Variants in HRH4 observed in about 807,000 individuals in gnomAD.
HRH4 encodes the protein histamine H4 receptor.
A neutral mutation model predicts 10.4 loss-of-function variants in HRH4; 12 were observed. The ratio of observed to expected loss-of-function variants is 1.15; its 90% CI spans 0.74 to 1.87. The LOEUF (loss-of-function observed/expected upper bound fraction) is 1.87, where lower values mean the gene tolerates loss of function less well. HRH4 is among the 40% of genes most tolerant of loss of function. HRH4 has a pLI of 0.00. For synonymous variants in HRH4, 154 were observed against 166.6 expected (o/e 0.92, Z 0.58); for missense variants, 415 against 453.3 (o/e 0.92, Z 0.77).
In HRH4 at chr18:24,477,313, C is replaced by T; in HGVS notation, c.924C>T (p.Leu308=). Residue 308 remains leucine, a synonymous_variant, in exon 3 of 3, where the codon CTC becomes CTT. Coordinates refer to ENST00000256906, the MANE Select transcript of HRH4 (RefSeq NM_021624.4). ...ARRLAKSLAI[L]LGVFAVCWAP... is the part of the protein sequence containing the mutation. ...GATTAGCCAAGTCACTGGCCATTCT[C>T]TTAGGGGTTTTTGCTGTTTGCTGGG... is the stretch of plus-strand genomic sequence containing the variant. 2 of 1,614,190 alleles carry T rather than the reference C, an allele frequency of 1.2e-6. No homozygotes were observed. Among genetic ancestry groups the T allele is most frequent in the South Asian group, 1.1e-5 (1 of 91,082 alleles).
At chr18:24,475,612 C>T (rs563361793) in intron 2 of HRH4, among the ~76,000 whole-genome samples, 1 of 152,234 alleles carries the variant, frequency 6.6e-6, no homozygotes, top group East Asian at 1.9e-4. Flanking sequence ...GGCAACAGAA[C>T]GAGACCCTGT....
intron 1 of HRH4, among the ~76,000 whole-genome samples, chr18:24,461,853 C>G (rs933775895): frequency 6.6e-6 from 1 of 150,786 alleles, no homozygotes; most frequent in African/African-American, 2.4e-5. Flanking sequence ...CTGTATAATA[C>G]TGCTAGGTAT....
At chr18:24,465,332 G>T (rs1371627717) in intron 1 of HRH4, among the ~76,000 whole-genome samples, 1 of 151,894 alleles carries the variant, frequency 6.6e-6, no homozygotes, top group African/African-American at 2.4e-5. Flanking sequence ...TGAGCAAACA[G>T]AAGGCGCCCT....
chr18:24,464,364 T>C (rs1227052454), intron 1 of HRH4, among the ~76,000 whole-genome samples: 1 of 152,184 alleles, frequency 6.6e-6, no homozygotes, highest in African/African-American at 2.4e-5. Context: ...TCTCCTCTTA[T>C]AAGCACACTA....
intron 2 of HRH4, among the ~76,000 whole-genome samples, chr18:24,470,990 T>C (rs951956100): frequency 1.1e-4 from 16 of 150,938 alleles, no homozygotes; most frequent in African/African-American, 3.7e-4. Flanking sequence ...ATTTTATTGG[T>C]GAAACTTAGT....
chr18:24,473,439 A>T (rs1910036112), intron 2 of HRH4, among the ~76,000 whole-genome samples: 2 of 152,146 alleles, frequency 1.3e-5, no homozygotes, highest in South Asian at 4.1e-4. Flanking sequence ...GCTCCAGGAC[A>T]CCTTGTTCTG....
chr18:24,462,556 T>C (rs1001695235), intron 1 of HRH4, among the ~76,000 whole-genome samples: 43 of 152,126 alleles, frequency 2.8e-4, no homozygotes, highest in African/African-American at 9.9e-4. Flanking sequence ...AAGAGAAAGC[T>C]GAGTTAAAGA....
At chr18:24,469,298 C>G (rs1407951782) in intron 2 of HRH4, among the ~76,000 whole-genome samples, 1 of 152,074 alleles carries the variant, frequency 6.6e-6, no homozygotes, top group African/African-American at 2.4e-5. Flanking sequence ...TGAATATATT[C>G]CTCGGAATGG....
rs1318511906 is a variant in HRH4 at position 24,478,333 on chromosome 18, T to C, written c.*771T>C. The C allele has an allele frequency of 6.6e-6, 1 of 152,220 alleles. No homozygotes were observed. The highest frequency in any genetic ancestry group is 1.9e-4 in the East Asian group (1 of 5,202). The allele number at this position is 152,220 out of a possible 1,614,324, so 9.4% of individuals were successfully genotyped here. A position where few individuals can be genotyped will look rare whatever the true frequency, so the allele number is the denominator to read the frequency against. On this transcript the variant is annotated 3_prime_UTR_variant, in exon 3 of 3. Coordinates refer to ENST00000256906, the MANE Select transcript of HRH4 (RefSeq NM_021624.4). ...GCTAAGAGATGGTGAAGAGACTGCA[T>C]GATTAAACTAGATAGACCTGGTATA...
intron 2 of HRH4, among the ~76,000 whole-genome samples, chr18:24,473,758 G>C (rs996444715): frequency 6.6e-6 from 1 of 152,208 alleles, no homozygotes; most frequent in Non-Finnish European, 1.5e-5. Context: ...CAGGCACTTA[G>C]AATGGTCCTG....
In HRH4 at chr18:24,468,842, G is replaced by A. The variant is rs373246547; in HGVS notation, c.248G>A (p.Gly83Glu). ...CACACGCTGTTCGAATGGGATTTTG[G>A]AAAGGAAATCTGTGTATTTTGGCTC... The part of the protein sequence containing the change: ...IPHTLFEWDF[G>E]KEICVFWLTT... The change falls in exon 2 of 3, where the codon GGA becomes GAA. Residue 83 changes from glycine (G) to glutamate (E), a missense_variant. By Grantham distance (98) the Gly-to-Glu change is moderately conservative. Coordinates refer to ENST00000256906, the MANE Select transcript of HRH4 (RefSeq NM_021624.4). The A allele has an allele frequency of 5.6e-6, 9 of 1,614,044 alleles. No individual in the cohort carries two copies. The highest frequency in any genetic ancestry group is 7.6e-6 in the Non-Finnish European group (9 of 1,179,970).
chr18:24,476,633 G>A, intron 2 of HRH4, 114 bp from the exon 3 acceptor site: 1 of 762,662 alleles, frequency 1.3e-6, no homozygotes, highest in Non-Finnish European at 2.2e-6. Flanking sequence ...TGATACCCAG[G>A]TTAGTTAATG....
rs1020059590 is a variant in HRH4 at position 24,479,166 on chromosome 18, G to A, written c.*1604G>A. The A allele has an allele frequency of 6.6e-6, 1 of 151,620 alleles. No individual in the cohort carries two copies. The highest frequency in any genetic ancestry group is 6.6e-5 in the Admixed American group (1 of 15,226). 9.4% of individuals were successfully genotyped at this position (151,620 alleles called of 1,614,324 possible). On this transcript the variant is annotated 3_prime_UTR_variant, in exon 3 of 3. Transcript: ENST00000256906. ...TTTTTTTTAATTTTGATAAGACAGG[G>A]TATTGCCGTGTTGGCCAGACTGGTC...
chr18:24,471,245 A>T (rs911383428), intron 2 of HRH4, among the ~76,000 whole-genome samples: 2 of 151,996 alleles, frequency 1.3e-5, no homozygotes, highest in Non-Finnish European at 2.9e-5. Flanking sequence ...TTGACCCATT[A>T]TTGATTTATG....
intron 1 of HRH4, among the ~76,000 whole-genome samples, chr18:24,467,148 T>G (rs1909799032): frequency 6.6e-6 from 1 of 152,194 alleles, no homozygotes. Context: ...CATGGTCCCT[T>G]CCTCACAAAG....
At chr18:24,462,821 T>G (rs1909677733) in intron 1 of HRH4, among the ~76,000 whole-genome samples, 1 of 152,246 alleles carries the variant, frequency 6.6e-6, no homozygotes, top group Non-Finnish European at 1.5e-5. Context: ...TGCTGCTTGA[T>G]GTAGATCCTT....
In HRH4 at chr18:24,477,450, A is replaced by G; in HGVS notation, c.1061A>G (p.Asn354Ser). 23 of 1,614,118 alleles carry G rather than the reference A, an allele frequency of 1.4e-5. No homozygotes were observed. Among genetic ancestry groups the G allele is most frequent in the Non-Finnish European group, 1.9e-5 (22 of 1,179,984 alleles). Reference sequence around the variant, plus strand: ...CTTCAGTGGTTCAATTCCTTTGTCAATCCTCTTTTGTATCCATTGTGTCAC... The same window carrying G: ...CTTCAGTGGTTCAATTCCTTTGTCAGTCCTCTTTTGTATCCATTGTGTCAC... The part of the protein sequence containing the change: ...FWLQWFNSFV[N>S]PLLYPLCHKR... The change falls in exon 3 of 3, where the codon AAT becomes AGT. Residue 354 changes from asparagine (N) to serine (S), a missense_variant. Transcript: ENST00000256906.
chr18:24,461,602 A>G (rs1909639913), intron 1 of HRH4, among the ~76,000 whole-genome samples: 1 of 152,146 alleles, frequency 6.6e-6, no homozygotes, highest in African/African-American at 2.4e-5. Context: ...TCAGCTGATG[A>G]TACTATTTTA....
In HRH4 at chr18:24,475,686, A is replaced by G. The variant is rs114346107; in HGVS notation, c.358-1061A>G. Among the ~76,000 whole-genome samples, 970 of 152,292 alleles carry G rather than the reference A, an allele frequency of 6.4e-3. 16 individuals carry two copies. The highest frequency in any genetic ancestry group is 0.023 in the African/African-American group (945 of 41,558). On this transcript the variant is annotated intron_variant, in intron 2 of 2. Transcript: ENST00000256906. ...AGTGACTTGGTAATGCTTAATAGCAATGTAGTATTTATCTGCAGCAGGTTT... is the reference window on the plus strand; with the variant it reads ...AGTGACTTGGTAATGCTTAATAGCAGTGTAGTATTTATCTGCAGCAGGTTT...
Sources: allele counts gnomAD v4.1 joint callset (sites outside exome capture counted in the v4.1 genomes callset), GRCh38; gene constraint gnomAD v4.1.1; transcripts MANE v1.5; gene names NCBI Gene and HGNC (gene_info 2026-07-23, HGNC 2026-07-21).